Variants in RBFOX1 observed in about 807,000 individuals in gnomAD.
RBFOX1 encodes the protein RNA binding protein fox-1 homolog 1.
A neutral mutation model predicts 57.7 loss-of-function variants in RBFOX1; 8 were observed. That is an observed-to-expected ratio of 0.14 (90% CI 0.08 to 0.25). The LOEUF (loss-of-function observed/expected upper bound fraction) is 0.25. RBFOX1 is among the 10% of genes least tolerant of loss of function. RBFOX1 has a pLI of 1.00. For synonymous variants in RBFOX1, 326 were observed against 222.4 expected, an observed-to-expected ratio of 1.47 and a Z score of -4.15; for missense variants, 611 against 548.5, an observed-to-expected ratio of 1.11 and a Z score of -1.14.
intron 3 of RBFOX1, among the ~76,000 whole-genome samples, chr16:6,821,773 T>A (rs2091350085): frequency 1.3e-5 from 2 of 152,352 alleles, no homozygotes; most frequent in South Asian, 4.1e-4. Context: ...ATTTTTTCAT[T>A]GATAGACATT....
intron 1 of RBFOX1, among the ~76,000 whole-genome samples, chr16:6,254,474 A>G (rs1376394370): frequency 6.6e-6 from 1 of 152,178 alleles, no homozygotes; most frequent in Non-Finnish European, 1.5e-5. Flanking sequence ...AGAGTGCTTA[A>G]GGATATGGGA....
chr16:7,376,563 C>G (rs781325154), intron 4 of RBFOX1, among the ~76,000 whole-genome samples: 3 of 152,142 alleles, frequency 2.0e-5, no homozygotes, highest in African/African-American at 7.2e-5. Context: ...TCCGAGTTTT[C>G]TGGGTTAGAC....
At chr16:5,449,375 T>C (rs557225239) in intron 1 of RBFOX1, among the ~76,000 whole-genome samples, 2 of 152,330 alleles carry the variant, frequency 1.3e-5, no homozygotes, top group South Asian at 4.1e-4. Flanking sequence ...ATTCTCAGAA[T>C]TGTGCTTCTT....
At chr16:5,593,589 C>A (rs2047082146) in intron 2 of RBFOX1, among the ~76,000 whole-genome samples, 1 of 152,162 alleles carries the variant, frequency 6.6e-6, no homozygotes, top group African/African-American at 2.4e-5. Flanking sequence ...CTCTGGTCGT[C>A]CTCACTGCTA....
chr16:7,369,988 T>C (rs112290336), intron 4 of RBFOX1, among the ~76,000 whole-genome samples: 7 of 152,312 alleles, frequency 4.6e-5, no homozygotes, highest in African/African-American at 1.7e-4. Flanking sequence ...AGCTAGGCTT[T>C]CTGATCCCAG....
At chr16:5,392,953 A>G (rs1285949943) in intron 1 of RBFOX1, among the ~76,000 whole-genome samples, 4 of 151,964 alleles carry the variant, frequency 2.6e-5, no homozygotes, top group Admixed American at 6.5e-5. Flanking sequence ...TTCATTCCAC[A>G]TATCTTTATG....
intron 4 of RBFOX1, among the ~76,000 whole-genome samples, chr16:7,470,349 C>G (rs2061341653): frequency 1.3e-5 from 2 of 152,172 alleles, no homozygotes; most frequent in Admixed American, 1.3e-4. Context: ...GTTCATGTGA[C>G]ATGCTCAGCA....
chr16:5,940,687 A>G (rs1345796531), intron 4 of RBFOX1, among the ~76,000 whole-genome samples: 1 of 152,262 alleles, frequency 6.6e-6, no homozygotes, highest in Non-Finnish European at 1.5e-5. Context: ...CCATTTCAGC[A>G]GAGCAGTTTC....
At chr16:5,751,693 A>G (rs1244785953) in intron 3 of RBFOX1, among the ~76,000 whole-genome samples, 1 of 152,202 alleles carries the variant, frequency 6.6e-6, no homozygotes, top group Non-Finnish European at 1.5e-5. Context: ...GAATGGAAAA[A>G]TACTGTTAGC....
rs992730479 is a variant in RBFOX1 at position 7,427,024 on chromosome 16, A to C, written c.28-91123A>C. Among the ~76,000 whole-genome samples the C allele has an allele frequency of 2.6e-5, 4 of 152,232 alleles. No individual in the cohort carries two copies. In the South Asian group the frequency reaches 8.3e-4, roughly 32 times the overall value. Reference sequence around the variant, plus strand: ...CAAACTATTGAAAGGACAGAAAACCAAACACTGCGTGTTCTCACTCATAGG... The same window carrying C: ...CAAACTATTGAAAGGACAGAAAACCCAACACTGCGTGTTCTCACTCATAGG... On this transcript the variant is annotated intron_variant, in intron 4 of 15. Coordinates refer to ENST00000550418, the MANE Select transcript of RBFOX1 (RefSeq NM_018723.4).
Position 6,900,770 on chromosome 16 carries a change from C to T in RBFOX1, c.-15-151287C>T, listed in dbSNP as rs911361882. ...GGGATCTTCTGTCTACGTGTAAGAC[C>T]CTCTCCTCTTCCTTCACAGCACACA... is the stretch of plus-strand genomic sequence containing the variant. On this transcript the variant is annotated intron_variant, in intron 3 of 15. Coordinates refer to ENST00000550418, the MANE Select transcript of RBFOX1 (RefSeq NM_018723.4). 3.6e-4 allele frequency among the ~76,000 whole-genome samples: 55 copies of T among 152,228 alleles called. 1 individual carries two copies. The highest frequency in any genetic ancestry group is 1.2e-3 in the African/African-American group (49 of 41,528).
At chr16:6,842,543 G>T (rs62017682) in intron 3 of RBFOX1, among the ~76,000 whole-genome samples, 1 of 151,328 alleles carries the variant, frequency 6.6e-6, no homozygotes, top group African/African-American at 2.4e-5. Flanking sequence ...ATGAATATCT[G>T]TATCAACTTT....
chr16:7,377,505 G>A (rs2097706221), intron 4 of RBFOX1, among the ~76,000 whole-genome samples: 1 of 152,164 alleles, frequency 6.6e-6, no homozygotes, highest in Admixed American at 6.5e-5. Context: ...AAAAAATACT[G>A]TAGTAACAGC....
At chr16:6,596,214 G>GC (rs2097775301) in intron 2 of RBFOX1, among the ~76,000 whole-genome samples, 1 of 151,990 alleles carries the variant, frequency 6.6e-6, no homozygotes. Context: ...ATTTACTCCT[G>GC]TTTCTTTTTT....
At chr16:7,458,313 C>T (rs1190158425) in intron 4 of RBFOX1, among the ~76,000 whole-genome samples, 2 of 152,122 alleles carry the variant, frequency 1.3e-5, no homozygotes, top group Admixed American at 1.3e-4. Flanking sequence ...CTGCCTTCCC[C>T]TAAGTCTGCC....
At chr16:5,690,710 C>A (rs7196920) in intron 3 of RBFOX1, among the ~76,000 whole-genome samples, 107,822 of 152,020 alleles carry the variant, frequency 0.71, 39,330 homozygotes, top group Non-Finnish European at 0.75. Flanking sequence ...TGAATGGGTA[C>A]AGAAAGGAAA....
At chr16:6,720,943 A>G (rs2065869711) in intron 3 of RBFOX1, among the ~76,000 whole-genome samples, 1 of 152,198 alleles carries the variant, frequency 6.6e-6, no homozygotes, top group Non-Finnish European at 1.5e-5. Context: ...CTCCAGGTAC[A>G]TTAATACTGG....
chr16:5,440,826 A>T (rs2068061931), intron 1 of RBFOX1, among the ~76,000 whole-genome samples: 1 of 152,190 alleles, frequency 6.6e-6, no homozygotes, highest in African/African-American at 2.4e-5. Context: ...AGGGATTCCC[A>T]TGAGTTGGTC....
chr16:6,404,818 A>G (rs1202559117), intron 2 of RBFOX1, among the ~76,000 whole-genome samples: 3 of 152,146 alleles, frequency 2.0e-5, no homozygotes, highest in African/African-American at 7.2e-5. Flanking sequence ...GACATGAAGC[A>G]TTTTGGTGCA....
Sources: gnomAD v4.1 joint callset for allele counts (sites outside exome capture counted in the v4.1 genomes callset) on GRCh38, gnomAD v4.1.1 for gene constraint, MANE v1.5 for transcripts, NCBI Gene and HGNC (gene_info 2026-07-23, HGNC 2026-07-21) for gene names.